EPC2: variants seen among roughly 807,000 people sequenced by gnomAD.
The protein encoded by EPC2 is enhancer of polycomb homolog 2.
In EPC2, 14 loss-of-function variants were observed where a neutral mutation model predicts 92.1. That is an observed-to-expected ratio of 0.15 (90% CI 0.10 to 0.24). The LOEUF is 0.24. EPC2 is among the 10% of genes least tolerant of loss of function. EPC2 has a pLI of 1.00. For synonymous variants in EPC2, 340 were observed against 334.7 expected, an observed-to-expected ratio of 1.02 and a Z score of -0.17; for missense variants, 755 against 971.5, an observed-to-expected ratio of 0.78 and a Z score of 2.96.
At chr2:148,717,332 T>C (rs545448593) in intron 2 of EPC2, among the ~76,000 whole-genome samples, 100 of 152,202 alleles carry the variant, frequency 6.6e-4, no homozygotes, top group African/African-American at 2.3e-3. Context: ...GCTGTGTTGT[T>C]AGGTTGTTAA....
chr2:148,776,859 T>C (rs1024779200), intron 10 of EPC2, among the ~76,000 whole-genome samples: 67 of 13,630 alleles, frequency 4.9e-3, no homozygotes, highest in Middle Eastern at 0.062. Context: ...TCTCTCTCTT[T>C]TTTTTTTTTT....
chr2:148,732,854 A>C (rs1428581943), intron 2 of EPC2, among the ~76,000 whole-genome samples: 1 of 151,816 alleles, frequency 6.6e-6, no homozygotes, highest in Non-Finnish European at 1.5e-5. Context: ...TTTTTTAGGA[A>C]TATCTATCAT....
At chr2:148,730,662 T>C (rs182653050) in intron 2 of EPC2, among the ~76,000 whole-genome samples, 1 of 152,292 alleles carries the variant, frequency 6.6e-6, no homozygotes, top group East Asian at 1.9e-4. Context: ...GATACTTACA[T>C]CAAGGAGGGG....
At chr2:148,728,924 C>T (rs775133418) in intron 2 of EPC2, among the ~76,000 whole-genome samples, 11 of 142,156 alleles carry the variant, frequency 7.7e-5, no homozygotes, top group Admixed American at 4.4e-4. Flanking sequence ...CCCAGCTACT[C>T]GGGAGGCTGA....
intron 2 of EPC2, among the ~76,000 whole-genome samples, chr2:148,698,599 GCA>G (rs2105375820): frequency 8.3e-6 from 1 of 119,870 alleles, no homozygotes; most frequent in African/African-American, 3.2e-5. Context: ...TCGTGCCATT[GCA>G]CTCCAGCCTG....
intron 2 of EPC2, among the ~76,000 whole-genome samples, chr2:148,695,051 T>G (rs1357084155): frequency 6.6e-6 from 1 of 152,226 alleles, no homozygotes; most frequent in African/African-American, 2.4e-5. Flanking sequence ...GTGTTGGGAT[T>G]ACAGGCGTGA....
At chr2:148,690,649 A>G (rs1681626565) in intron 2 of EPC2, among the ~76,000 whole-genome samples, 1 of 152,008 alleles carries the variant, frequency 6.6e-6, no homozygotes. Flanking sequence ...GTGGATTACT[A>G]TACCCAAATG....
At chr2:148,706,231 C>G (rs1459744097) in intron 2 of EPC2, among the ~76,000 whole-genome samples, 1 of 152,016 alleles carries the variant, frequency 6.6e-6, no homozygotes. Context: ...CCGATTCAAT[C>G]AAGTGGAAGA....
intron 2 of EPC2, among the ~76,000 whole-genome samples, chr2:148,708,431 A>C (rs556803326): frequency 1.3e-5 from 2 of 152,336 alleles, no homozygotes; most frequent in South Asian, 4.1e-4. Flanking sequence ...AGGAGCTGGT[A>C]CCATTCCTTC....
At chr2:148,774,788 T>C (rs1278758117) in intron 10 of EPC2, among the ~76,000 whole-genome samples, 3 of 151,504 alleles carry the variant, frequency 2.0e-5, no homozygotes, top group South Asian at 2.1e-4. Flanking sequence ...ATTCTCTTAA[T>C]TGAAAAACAC....
At chr2:148,677,124 T>G (rs905655592) in intron 1 of EPC2, among the ~76,000 whole-genome samples, 2 of 152,214 alleles carry the variant, frequency 1.3e-5, no homozygotes, top group African/African-American at 4.8e-5. Flanking sequence ...ACTAGTCATG[T>G]TTATTATATG....
rs190410798 is a variant in EPC2 at position 148,762,443 on chromosome 2, G to A, written c.816-227G>A. On this transcript the variant is annotated intron_variant, in intron 5 of 13. Transcript: ENST00000258484. ...CCTAGTGCTTGATTATATAATATAT[G>A]TAAGAAATTTGTTTGCTGTGTACCT... 5.1e-3 allele frequency among the ~76,000 whole-genome samples: 780 copies of A among 152,034 alleles called. 10 individuals are homozygous for A. Among genetic ancestry groups the A allele is most frequent in the African/African-American group, 0.018 (746 of 41,500 alleles).
intron 1 of EPC2, among the ~76,000 whole-genome samples, chr2:148,653,982 C>G (rs1209206630): frequency 2.8e-5 from 4 of 141,746 alleles, no homozygotes; most frequent in Non-Finnish European, 6.0e-5. Context: ...GGGTCTTGCT[C>G]TGTCACCCAG....
chr2:148,770,293 G>A (rs1256867620), intron 8 of EPC2, among the ~76,000 whole-genome samples: 1 of 152,094 alleles, frequency 6.6e-6, no homozygotes, highest in African/African-American at 2.4e-5. Context: ...TCCTGTCTTG[G>A]CCTCCTAAAG....
At chr2:148,663,922 A>G (rs140946362) in intron 1 of EPC2, among the ~76,000 whole-genome samples, 27 of 152,252 alleles carry the variant, frequency 1.8e-4, no homozygotes, top group Non-Finnish European at 3.4e-4. Flanking sequence ...GCTCAGGGTA[A>G]TGCTTGCTTG....
intron 4 of EPC2, among the ~76,000 whole-genome samples, chr2:148,758,767 A>C (rs916129140): frequency 6.6e-6 from 1 of 152,198 alleles, no homozygotes; most frequent in Non-Finnish European, 1.5e-5. Context: ...CATCTTAAGC[A>C]ATCAAAGTTA....
intron 3 of EPC2, among the ~76,000 whole-genome samples, chr2:148,751,787 G>A (rs1391494012): frequency 6.6e-6 from 1 of 152,076 alleles, no homozygotes; most frequent in East Asian, 1.9e-4. Context: ...CCACAATAGA[G>A]ATACAGTGAT....
intron 4 of EPC2, among the ~76,000 whole-genome samples, chr2:148,756,679 T>G (rs1390006861): frequency 2.0e-5 from 3 of 152,234 alleles, no homozygotes. Context: ...TAGATCAGCA[T>G]ATGCATTTAA....
chr2:148,701,854 G>T (rs890496852), intron 2 of EPC2, among the ~76,000 whole-genome samples: 1 of 152,020 alleles, frequency 6.6e-6, no homozygotes, highest in Non-Finnish European at 1.5e-5. Flanking sequence ...AACTCATCTG[G>T]GACTGGTGTT....
Sources: allele counts gnomAD v4.1 joint callset (sites outside exome capture counted in the v4.1 genomes callset), GRCh38; gene constraint gnomAD v4.1.1; transcripts MANE v1.5; gene names NCBI Gene and HGNC (gene_info 2026-07-23, HGNC 2026-07-21).